The following ELF2 variants were observed in gnomAD, a reference collection of about 807,000 sequenced individuals.
ELF2 encodes the protein ETS-related transcription factor Elf-2.
ELF2 carries 11 observed loss-of-function variants against 54.8 expected under a neutral mutation model. The ratio of observed to expected loss-of-function variants is 0.20; its 90% CI spans 0.13 to 0.33. The LOEUF (loss-of-function observed/expected upper bound fraction) is 0.33, where lower values mean the gene tolerates loss of function less well. Among genes scored for constraint, ELF2 ranks in the 10% least tolerant of loss-of-function variants. ELF2 has a pLI of 1.00. For missense variants in ELF2, 513 were observed against 703.0 expected (o/e 0.73, Z 3.06); for synonymous variants, 203 against 245.1 (o/e 0.83, Z 1.61).
intron 4 of ELF2, among the ~76,000 whole-genome samples, chr4:139,113,629 C>A (rs974694630): frequency 4.0e-5 from 6 of 151,858 alleles, no homozygotes; most frequent in Admixed American, 3.9e-4. Context: ...GAGGACAGAT[C>A]GAGTCACTTG....
At chr4:139,153,983 C>T (rs1740284715) in intron 1 of ELF2, among the ~76,000 whole-genome samples, 1 of 152,162 alleles carries the variant, frequency 6.6e-6, no homozygotes, top group African/African-American at 2.4e-5. Flanking sequence ...CCTTTTTCCC[C>T]TTTAAAGGTT....
At chr4:139,114,561 T>TCCAGTCACA (rs70940492) in intron 4 of ELF2, among the ~76,000 whole-genome samples, 1 of 108,646 alleles carries the variant, frequency 9.2e-6, no homozygotes, top group Non-Finnish European at 1.8e-5. Context: ...GACTTCAGTC[T>TCCAGTCACA]CACACACACA....
intron 1 of ELF2, among the ~76,000 whole-genome samples, chr4:139,174,463 G>A (rs1742701470): frequency 6.6e-6 from 1 of 152,090 alleles, no homozygotes; most frequent in South Asian, 2.1e-4. Context: ...AATGGATATG[G>A]GGCTCTTTTG....
intron 4 of ELF2, among the ~76,000 whole-genome samples, chr4:139,109,842 G>A (rs1734781582): frequency 6.6e-6 from 1 of 152,028 alleles, no homozygotes; most frequent in Admixed American, 6.6e-5. Flanking sequence ...ACAGAGGGAG[G>A]GAGAAAGGAG....
At chr4:139,157,276 T>C (rs769861279) in intron 1 of ELF2, among the ~76,000 whole-genome samples, 1 of 152,216 alleles carries the variant, frequency 6.6e-6, no homozygotes, top group Non-Finnish European at 1.5e-5. Flanking sequence ...GGTATTATAA[T>C]CTTACAGGAC....
chr4:139,169,428 A>T (rs1742045800), intron 1 of ELF2, among the ~76,000 whole-genome samples: 1 of 152,002 alleles, frequency 6.6e-6, no homozygotes, highest in Non-Finnish European at 1.5e-5. Context: ...ACCTTACACA[A>T]AAAAATACTT....
chr4:139,126,091 C>T (rs1289418398), intron 3 of ELF2, among the ~76,000 whole-genome samples: 1 of 151,984 alleles, frequency 6.6e-6, no homozygotes, highest in African/African-American at 2.4e-5. Flanking sequence ...ATTCCACACA[C>T]AGAGAAGATA....
At chr4:139,116,825 A>G in intron 4 of ELF2, 1 of 658,988 alleles carries the variant, frequency 1.5e-6, no homozygotes, top group Non-Finnish European at 1.9e-6. Flanking sequence ...TATAACAAAT[A>G]CAAAAGTTAT....
intron 4 of ELF2, among the ~76,000 whole-genome samples, chr4:139,075,398 A>G (rs188115898): frequency 1.1e-3 from 169 of 152,260 alleles, no homozygotes; most frequent in Non-Finnish European, 1.7e-3. Flanking sequence ...ATGGTTCCCA[A>G]CATAGACTTT....
At chr4:139,153,771 C>G (rs973578767) in intron 1 of ELF2, among the ~76,000 whole-genome samples, 1 of 152,164 alleles carries the variant, frequency 6.6e-6, no homozygotes, top group African/African-American at 2.4e-5. Context: ...TCCACTCACC[C>G]AAAACAAAGG....
intron 4 of ELF2, among the ~76,000 whole-genome samples, chr4:139,107,452 C>T (rs13125517): frequency 0.98 from 148,781 of 152,334 alleles, 72,679 homozygotes; most frequent in Middle Eastern, 1. Context: ...ACTTTATCAT[C>T]ACACATTATA....
chr4:139,162,019 G>A (rs978539378), intron 1 of ELF2, among the ~76,000 whole-genome samples: 1 of 152,100 alleles, frequency 6.6e-6, no homozygotes, highest in Admixed American at 6.6e-5. Flanking sequence ...GCTTGAACCC[G>A]GGAGGCGGAG....
Position 139,157,353 on chromosome 4 carries a change from C to T in ELF2, c.-251-17856G>A, listed in dbSNP as rs533632592. Among the ~76,000 whole-genome samples, 13 of 152,168 alleles carry T rather than the reference C, an allele frequency of 8.5e-5. No individual in the cohort carries two copies. In the South Asian group the frequency reaches 1.9e-3, roughly 22 times the overall value. On this transcript the variant is annotated intron_variant, in intron 1 of 9. Coordinates refer to ENST00000686138, the MANE Select transcript of ELF2 (RefSeq NM_001331036.3). ...AATCTCTCTCTCTTATACACACACA[C>T]GGAGGTAAGAAATGAACTTAGATAA... is the stretch of plus-strand genomic sequence containing the variant.
At chr4:139,084,138 C>T in intron 4 of ELF2, 1 of 1,613,530 alleles carries the variant, frequency 6.2e-7, no homozygotes, top group Non-Finnish European at 8.5e-7. Flanking sequence ...CTTACCGGCC[C>T]GGATGAGCAG....
intron 4 of ELF2, among the ~76,000 whole-genome samples, chr4:139,114,446 G>A (rs1303911471): frequency 6.6e-6 from 1 of 151,908 alleles, no homozygotes; most frequent in Non-Finnish European, 1.5e-5. Flanking sequence ...GTGCGCGCCT[G>A]TAATCTCAGT....
intron 4 of ELF2, among the ~76,000 whole-genome samples, chr4:139,105,023 T>C (rs1418836779): frequency 1.3e-5 from 2 of 152,208 alleles, no homozygotes; most frequent in Non-Finnish European, 2.9e-5. Flanking sequence ...TTGTTCACTT[T>C]CTAGGAGCCA....
chr4:139,154,203 T>A (rs1166493570), intron 1 of ELF2, among the ~76,000 whole-genome samples: 2 of 152,214 alleles, frequency 1.3e-5, no homozygotes, highest in African/African-American at 2.4e-5. Context: ...CAGAACACAA[T>A]AGGTGCTCAA....
At chr4:139,095,381 C>T (rs1296162133) in intron 4 of ELF2, among the ~76,000 whole-genome samples, 2 of 152,006 alleles carry the variant, frequency 1.3e-5, no homozygotes, top group Non-Finnish European at 2.9e-5. Flanking sequence ...GACAGAGTTT[C>T]GCCATGTTGG....
intron 4 of ELF2, chr4:139,114,799 G>C: frequency 6.6e-7 from 1 of 1,506,606 alleles, no homozygotes; most frequent in South Asian, 1.2e-5. Context: ...GAGACCCCTG[G>C]GCCAGGGGCA....
Sources: gnomAD v4.1 joint callset for allele counts (sites outside exome capture counted in the v4.1 genomes callset) on GRCh38, gnomAD v4.1.1 for gene constraint, MANE v1.5 for transcripts, NCBI Gene and HGNC (gene_info 2026-07-23, HGNC 2026-07-21) for gene names.